MYO5A: variants seen among roughly 807,000 people sequenced by gnomAD.
The protein encoded by MYO5A is myosin VA, also known as unconventional myosin-Va.
In MYO5A, 98 loss-of-function variants were observed where a neutral mutation model predicts 249.7. The ratio of observed to expected loss-of-function variants is 0.39; its 90% CI spans 0.33 to 0.46. The LOEUF is 0.46. MYO5A is among the 20% of genes least tolerant of loss of function. The pLI is 0.98. For synonymous variants in MYO5A, 778 were observed against 810.6 expected, an observed-to-expected ratio of 0.96 and a Z score of 0.68; for missense variants, 1,696 against 2,308.8, an observed-to-expected ratio of 0.73 and a Z score of 5.44.
chr15:52,391,915 G>C lies in MYO5A; in HGVS notation c.1542+15C>G. The stretch of plus-strand genomic sequence containing the variant: ...CTATTTTGATAAACCAAGTACCCCA[G>C]GAAATCATACTTACCTTGCATTCCT... On this transcript the variant is annotated intron_variant, in intron 12 of 41. Transcript: ENST00000399233. 6.2e-7 allele frequency: 1 copy of C among 1,610,570 alleles called. No homozygotes were observed.
chr15:52,521,852 C>A (rs1370284676), intron 1 of MYO5A, among the ~76,000 whole-genome samples: 1 of 152,150 alleles, frequency 6.6e-6, no homozygotes, highest in Non-Finnish European at 1.5e-5. Context: ...ACTGATGTTA[C>A]AACCAAGACA....
In MYO5A at chr15:52,387,821, A is replaced by G. The variant is rs2042033264; in HGVS notation, c.1752+8T>C. 3 of 1,576,782 alleles carry G rather than the reference A, an allele frequency of 1.9e-6. No individual in the cohort carries two copies. The highest frequency in any genetic ancestry group is 2.6e-6 in the Non-Finnish European group (3 of 1,146,512). On this transcript the variant is annotated splice_region_variant and intron_variant, in intron 14 of 41. Coordinates refer to ENST00000399233, the MANE Select transcript of MYO5A (RefSeq NM_001382347.1). ...ATCCTGGATTAGAGTAAGCCTATCC[A>G]TAGTTACCTTGCTTGATTTAAGAAC... is the stretch of plus-strand genomic sequence containing the variant.
chr15:52,440,336 C>T (rs941167892), intron 1 of MYO5A, among the ~76,000 whole-genome samples: 1 of 151,790 alleles, frequency 6.6e-6, no homozygotes, highest in Admixed American at 6.6e-5. Context: ...GGCACAATCT[C>T]TGCTCACTGC....
intron 1 of MYO5A, among the ~76,000 whole-genome samples, chr15:52,487,864 C>T (rs112558556): frequency 5.3e-5 from 8 of 152,150 alleles, no homozygotes; most frequent in African/African-American, 1.9e-4. Context: ...ATCCCTACCC[C>T]ACATTCCCAG....
At chr15:52,430,987 T>C (rs1254422538) in intron 2 of MYO5A, among the ~76,000 whole-genome samples, 2 of 151,724 alleles carry the variant, frequency 1.3e-5, no homozygotes, top group African/African-American at 2.4e-5. Flanking sequence ...ATCCCAGCAC[T>C]TTGGGAGGCC....
At position 52,379,733 on chromosome 15, in the gene MYO5A, C is replaced by T. The variant is rs748952043; in HGVS notation, c.2100G>A (p.Arg700=). 2.5e-6 allele frequency: 4 copies of T among 1,614,076 alleles called. No individual in the cohort carries two copies. The highest frequency in any genetic ancestry group is 3.4e-6 in the Non-Finnish European group (4 of 1,179,962). ...GGCTGAAAAATTCTTGGTAAGTCCA[C>T]CTATTAAAAGAAAACCATCTGAGTT... ...IRISAAGFPS[R]WTYQEFFSRY... The change falls in exon 18 of 42, where the codon CGG becomes CGA. Residue 700 remains arginine (R), a splice_region_variant and synonymous_variant. Transcript: ENST00000399233.
intron 10 of MYO5A, 47 bp downstream of exon 10, chr15:52,397,153 TC>T: frequency 6.2e-7 from 1 of 1,601,440 alleles, no homozygotes; most frequent in Non-Finnish European, 8.5e-7. Context: ...CTAGATAAGT[TC>T]TAGAAAGAAA....
At chr15:52,464,720 T>C (rs566480188) in intron 1 of MYO5A, among the ~76,000 whole-genome samples, 6 of 152,318 alleles carry the variant, frequency 3.9e-5, no homozygotes, top group African/African-American at 1.4e-4. Context: ...GGTAGGCAGT[T>C]TGGCCTATAT....
chr15:52,406,642 G>GA (rs2043015239), intron 8 of MYO5A, among the ~76,000 whole-genome samples: 1 of 149,748 alleles, frequency 6.7e-6, no homozygotes, highest in Non-Finnish European at 1.5e-5. Context: ...ATATTCTGAG[G>GA]TTTTTTTTTT....
chr15:52,498,199 T>C (rs568718276), intron 1 of MYO5A, among the ~76,000 whole-genome samples: 139 of 152,326 alleles, frequency 9.1e-4, no homozygotes, highest in Non-Finnish European at 1.6e-3. Context: ...AAACACTAGT[T>C]TGTACAGATA....
intron 1 of MYO5A, among the ~76,000 whole-genome samples, chr15:52,453,467 CA>C (rs551304717): frequency 4.5e-4 from 68 of 151,588 alleles, no homozygotes; most frequent in Admixed American, 1.4e-3. Context: ...AAAAAAAAAG[CA>C]AAACACTAAT....
At chr15:52,370,597 G>C (rs1289261520) in intron 21 of MYO5A, among the ~76,000 whole-genome samples, 180 bp from the exon 22 acceptor site, 1 of 152,172 alleles carries the variant, frequency 6.6e-6, no homozygotes, top group Non-Finnish European at 1.5e-5. Context: ...GACACAAACA[G>C]AGAAGAAAAC....
intron 34 of MYO5A, among the ~76,000 whole-genome samples, chr15:52,334,375 A>G (rs1421859073): frequency 1.3e-5 from 2 of 152,160 alleles, no homozygotes; most frequent in Admixed American, 6.5e-5. Context: ...TTATCATCTC[A>G]TGATATAATT....
chr15:52,425,520 C>T (rs1328499090), intron 4 of MYO5A, among the ~76,000 whole-genome samples: 4 of 152,072 alleles, frequency 2.6e-5, no homozygotes, highest in Non-Finnish European at 4.4e-5. Context: ...CCTCCACACC[C>T]GGCTAATTTT....
intron 32 of MYO5A, among the ~76,000 whole-genome samples, chr15:52,339,077 C>A (rs985366292): frequency 1.3e-5 from 2 of 152,050 alleles, no homozygotes; most frequent in East Asian, 3.8e-4. Context: ...TGGAAAGAGC[C>A]CACACACTGC....
At chr15:52,401,304 A>G (rs2042744989) in intron 9 of MYO5A, among the ~76,000 whole-genome samples, 1 of 152,194 alleles carries the variant, frequency 6.6e-6, no homozygotes, top group Admixed American at 6.5e-5. Flanking sequence ...TCTTAGCCTC[A>G]GGTGATCCAC....
chr15:52,372,257 C>G lies in MYO5A; in HGVS notation c.2684G>C (p.Cys895Ser), dbSNP rs768973107. The G allele has an allele frequency of 5.6e-6, 9 of 1,612,588 alleles. No individual in the cohort carries two copies. The highest frequency in any genetic ancestry group is 7.6e-6 in the Non-Finnish European group (9 of 1,180,032). Residue 895 changes from cysteine (C) to serine (S), a missense_variant, in exon 21 of 42, where the codon TGC becomes TCC. Physicochemically the swap from Cys to Ser is moderately radical, Grantham distance 112. Transcript: ENST00000399233. The stretch of plus-strand genomic sequence containing the variant: ...ACGCTTGGCCATCATCCGCCTGAAG[C>G]AGCACTGAAGGTAGATGATGGCATG... ...SMHAIIYLQC[C>S]FRRMMAKREL...
At chr15:52,431,464 T>C (rs551684184) in intron 2 of MYO5A, among the ~76,000 whole-genome samples, 3 of 152,148 alleles carry the variant, frequency 2.0e-5, no homozygotes, top group Admixed American at 6.5e-5. Flanking sequence ...TACATTAGTA[T>C]AGTATGCATA....
intron 27 of MYO5A, among the ~76,000 whole-genome samples, chr15:52,352,244 C>G (rs1464699000): frequency 6.6e-6 from 1 of 152,196 alleles, no homozygotes; most frequent in African/African-American, 2.4e-5. Flanking sequence ...TCTGTTCAAA[C>G]AATGGCAACA....
Sources: allele counts gnomAD v4.1 joint callset (sites outside exome capture counted in the v4.1 genomes callset), GRCh38; gene constraint gnomAD v4.1.1; transcripts MANE v1.5; gene names NCBI Gene and HGNC (gene_info 2026-07-23, HGNC 2026-07-21).